The following CAPN14 variants were observed in gnomAD, a reference collection of about 807,000 sequenced individuals.
The protein encoded by CAPN14 is calpain-14.
In CAPN14, 94 loss-of-function variants were observed where a neutral mutation model predicts 101.3. The ratio of observed to expected loss-of-function variants is 0.93; its 90% confidence interval spans 0.79 to 1.10. CAPN14 has a LOEUF of 1.10. CAPN14 is among the 50% of genes least tolerant of loss of function. CAPN14 has a pLI of 0.00. For missense variants in CAPN14, 837 were observed against 828.4 expected (o/e 1.01, Z -0.13); for synonymous variants, 338 against 317.9 (o/e 1.06, Z -0.67).
chr2:31,221,322 C>G (rs10188736), upstream of CAPN14, among the ~76,000 whole-genome samples: 3 of 152,178 alleles, frequency 2.0e-5, no homozygotes, highest in Non-Finnish European at 4.4e-5. Context: ...GGGGACAGGG[C>G]TGTGAGCCAT....
rs1301192485 is a variant in CAPN14 at position 31,177,090 on chromosome 2, G to A, written c.1908C>T (p.Gly636=). 1 of 1,551,170 alleles carries A rather than the reference G, an allele frequency of 6.4e-7. No individual in the cohort carries two copies. Among genetic ancestry groups the A allele is most frequent in the Non-Finnish European group, 8.7e-7 (1 of 1,146,808 alleles). Residue 636 remains glycine (G), a synonymous_variant, in exon 20 of 22, where the codon GGC becomes GGT. Transcript: ENST00000403897. The part of the protein sequence containing the change: ...VCQLMLIRYG[G]PRLQMDFVSF... ...TGACAAAGTCCATCTGGAGGCGGGGGCCGCCGTAGCGGATGAGCATCAGCT... is the reference window on the plus strand; with the variant it reads ...TGACAAAGTCCATCTGGAGGCGGGGACCGCCGTAGCGGATGAGCATCAGCT...
chr2:31,201,651 C>A (rs1223609441), intron 5 of CAPN14, among the ~76,000 whole-genome samples: 1 of 152,190 alleles, frequency 6.6e-6, no homozygotes, highest in East Asian at 1.9e-4. Context: ...CCCCTTAATT[C>A]TATCCATTAG....
intron 17 of CAPN14, 64 bp from the exon 18 acceptor site, chr2:31,178,643 T>A: frequency 9.2e-7 from 1 of 1,092,436 alleles, no homozygotes; most frequent in Non-Finnish European, 1.3e-6. Flanking sequence ...GAGGCAGTGA[T>A]CAGCCCTCCA....
intron 14 of CAPN14, 86 bp from the exon 15 acceptor site, chr2:31,187,900 G>T: frequency 9.4e-7 from 1 of 1,068,918 alleles, no homozygotes; most frequent in Non-Finnish European, 1.4e-6. Context: ...ATGGCTTCCA[G>T]GTTTCTGAAA....
intron 2 of CAPN14, among the ~76,000 whole-genome samples, chr2:31,223,150 C>A (rs758068971): frequency 6.6e-6 from 1 of 152,202 alleles, no homozygotes; most frequent in African/African-American, 2.4e-5. Context: ...TTTGTCCTAG[C>A]AGCCTAAACT....
At position 31,189,478 on chromosome 2, in the gene CAPN14, A is replaced by G. The variant is rs1017016137; in HGVS notation, c.1288T>C (p.Tyr430His). Residue 430 changes from tyrosine to histidine, a missense_variant and splice_region_variant, in exon 13 of 22, where the codon TAC becomes CAC. Tyr to His is a moderately conservative substitution (Grantham distance 83). Transcript: ENST00000403897. ...IGFYLYRMNK[Y>H]HDDQRRLPPE... Reference sequence around the variant, plus strand: ...GGCAGTCTCCTCTGGTCATCATGGTACTGTGGGTAGAGGACAGAAGAACAG... The same window carrying G: ...GGCAGTCTCCTCTGGTCATCATGGTGCTGTGGGTAGAGGACAGAAGAACAG... The G allele has an allele frequency of 1.9e-6, 3 of 1,550,786 alleles. No homozygotes were observed. The highest frequency in any genetic ancestry group is 3.9e-5 in the Admixed American group (2 of 51,008).
intron 1 of CAPN14, among the ~76,000 whole-genome samples, chr2:31,227,345 G>T (rs1226508611): frequency 1.3e-5 from 2 of 152,192 alleles, no homozygotes; most frequent in African/African-American, 4.8e-5. Context: ...GGTACCGATG[G>T]TATGAATGGG....
Position 31,201,929 on chromosome 2 carries a change from G to T in CAPN14, c.484C>A (p.Leu162Met). Residue 162 changes from leucine (L) to methionine (M), a missense_variant, in exon 5 of 22, where the codon CTG becomes ATG. Leu to Met is a conservative substitution (Grantham distance 15). Transcript: ENST00000403897. ...DRLPVNEAGQ[L>M]VFVSSTYKNL... is the part of the protein sequence containing the mutation. Reference sequence around the variant, plus strand: ...TTATAGGTGGAGGAGACAAAGACCAGCTGGCCAGCCTCATTCACAGGCAGA... The same window carrying T: ...TTATAGGTGGAGGAGACAAAGACCATCTGGCCAGCCTCATTCACAGGCAGA... 1 of 1,551,736 alleles carries T rather than the reference G, an allele frequency of 6.4e-7. No individual in the cohort carries two copies. The highest frequency in any genetic ancestry group is 8.7e-7 in the Non-Finnish European group (1 of 1,146,994).
intron 2 of CAPN14, 75 bp from the exon 3 acceptor site, chr2:31,203,214 C>T: frequency 8.5e-7 from 1 of 1,181,892 alleles, no homozygotes; most frequent in Non-Finnish European, 1.2e-6. Context: ...CCACGTTTTC[C>T]CATACCCCAA....
intron 1 of CAPN14, among the ~76,000 whole-genome samples, chr2:31,231,539 C>T (rs1331665702): frequency 6.6e-6 from 1 of 152,112 alleles, no homozygotes; most frequent in Non-Finnish European, 1.5e-5. Flanking sequence ...TATTGCTAGT[C>T]TATAGAAATG....
intron 11 of CAPN14, 122 bp from the exon 12 acceptor site, chr2:31,191,529 C>T: frequency 2.1e-6 from 2 of 938,448 alleles, no homozygotes; most frequent in South Asian, 1.7e-5. Flanking sequence ...CAAGGCTCTA[C>T]CCAGAAGCCG....
At chr2:31,225,766 C>G (rs1014152427) in intron 2 of CAPN14, among the ~76,000 whole-genome samples, 1 of 151,940 alleles carries the variant, frequency 6.6e-6, no homozygotes, top group African/African-American at 2.4e-5. Flanking sequence ...ATGGTGTTGA[C>G]TGGGGGAAAA....
intron 1 of CAPN14, among the ~76,000 whole-genome samples, chr2:31,214,982 T>C (rs1276916760): frequency 8.3e-6 from 1 of 120,280 alleles, no homozygotes; most frequent in Non-Finnish European, 1.8e-5. Context: ...TGGGGCATCA[T>C]CTCTTCTCTC....
chr2:31,189,658 G>C (rs1681079878), intron 12 of CAPN14, 180 bp from the exon 13 acceptor site: 2 of 693,280 alleles, frequency 2.9e-6, no homozygotes, highest in Non-Finnish European at 5.3e-6. Flanking sequence ...TGTGTGTGGA[G>C]GGCTGCACCT....
rs1021118978 is a variant in CAPN14 at position 31,201,762 on chromosome 2, T to C, written c.551+100A>G. 4 of 1,425,950 alleles carry C rather than the reference T, an allele frequency of 2.8e-6. No individual in the cohort carries two copies. The South Asian group carries it at 5.5e-5, about 20-fold the overall frequency. 88.3% of individuals were successfully genotyped at this position (1,425,950 alleles called of 1,614,324 possible). On this transcript the variant is annotated intron_variant, in intron 5 of 21. Transcript: ENST00000403897. ...ATGTTGGCTAAGACATGCCTCAGGA[T>C]CTCATTTCATAAACTTTACCTGACT...
rs2148691593 is a variant in CAPN14 at position 31,203,124 on chromosome 2, G to T, written c.241C>A (p.Pro81Thr). ...TTGGCCTTGGCAAAATAAAACTGGG[G>T]ATTGCTGTGCAGCTCCTGGGAAAGA... ...WKRPPELHSN[P>T]QFYFAKAKRL... is the part of the protein sequence containing the mutation. The change falls in exon 3 of 22, where the codon CCC becomes ACC. Residue 81 changes from proline (P) to threonine (T), a missense_variant. Coordinates refer to ENST00000403897, the MANE Select transcript of CAPN14 (RefSeq NM_001145122.2). 6.4e-7 allele frequency: 1 copy of T among 1,551,636 alleles called. No individual in the cohort carries two copies. Among genetic ancestry groups the T allele is most frequent in the Non-Finnish European group, 8.7e-7 (1 of 1,146,956 alleles).
At chr2:31,194,810 C>CAAATT (rs1681383673) in intron 8 of CAPN14, among the ~76,000 whole-genome samples, 1 of 152,194 alleles carries the variant, frequency 6.6e-6, no homozygotes, top group Non-Finnish European at 1.5e-5. Flanking sequence ...AACATTTGAA[C>CAAATT]TTGCATTTTT....
At position 31,177,152 on chromosome 2, in the gene CAPN14, G is replaced by A; in HGVS notation, c.1856-10C>T. 2 of 1,542,548 alleles carry A rather than the reference G, an allele frequency of 1.3e-6. No homozygotes were observed. Among genetic ancestry groups the A allele is most frequent in the East Asian group, 2.5e-5 (1 of 40,780 alleles). ...TCACTGAGCATGATTCCTGCATTGA[G>A]CACAAGCTCCTGCTGTGGGTATTGG... On this transcript the variant is annotated splice_polypyrimidine_tract_variant and intron_variant, in intron 19 of 21. Coordinates refer to ENST00000403897, the MANE Select transcript of CAPN14 (RefSeq NM_001145122.2).
upstream of CAPN14, among the ~76,000 whole-genome samples, chr2:31,221,873 A>C (rs1572446945): frequency 6.6e-6 from 1 of 152,182 alleles, no homozygotes; most frequent in African/African-American, 2.4e-5. Context: ...AGTCAGCAGC[A>C]CCCCAGCCAG....
Sources: gnomAD v4.1 joint callset for allele counts (sites outside exome capture counted in the v4.1 genomes callset) on GRCh38, gnomAD v4.1.1 for gene constraint, MANE v1.5 for transcripts, NCBI Gene and HGNC (gene_info 2026-07-23, HGNC 2026-07-21) for gene names.